Variants in OVOL2 observed in about 807,000 individuals in gnomAD.
OVOL2 encodes the protein ovo like zinc finger 2.
Under a neutral mutation model 18.1 loss-of-function variants are expected in OVOL2, and 13 were observed. That is an observed-to-expected ratio of 0.72 (90% CI 0.47 to 1.14). The LOEUF (loss-of-function observed/expected upper bound fraction) is 1.14, where lower values mean the gene tolerates loss of function less well. OVOL2 is among the 50% of genes most tolerant of loss of function. The pLI is 0.00. For synonymous variants in OVOL2, 166 were observed against 162.7 expected, an observed-to-expected ratio of 1.02 and a Z score of -0.16; for missense variants, 335 against 383.0, an observed-to-expected ratio of 0.87 and a Z score of 1.05.
In OVOL2 at chr20:18,029,624, CGTACTAA is replaced by C. The variant is rs2036550332; in HGVS notation, c.512-4679_512-4673del. ...TGCCAGTATTAATAATAATAATTTT[CGTACTAA>C]CTGTGGTTCCTTCTGGGCAGTGTAA... On this transcript the variant is annotated intron_variant, in intron 3 of 3. Transcript: ENST00000278780. Among the ~76,000 whole-genome samples the C allele has an allele frequency of 3.3e-5, 5 of 152,066 alleles. No homozygotes were observed. In the South Asian group the frequency reaches 1.0e-3, roughly 31 times the overall value.
intron 3 of OVOL2, among the ~76,000 whole-genome samples, chr20:18,027,197 G>A (rs993679688): frequency 1.1e-4 from 17 of 151,902 alleles, no homozygotes; most frequent in Non-Finnish European, 2.4e-4. Flanking sequence ...GGAAATTCCC[G>A]TAGGCCATAT....
rs1243870540 is a variant in OVOL2, at chr20:18,056,933, C to T, written c.101-56G>A. The stretch of plus-strand genomic sequence containing the variant: ...CACACTCGGCGTCAACCCGCACGCC[C>T]GCGGCAGTTTGACCTGCGGGCGGTG... On this transcript the variant is annotated intron_variant, in intron 1 of 3. Transcript: ENST00000278780. The surrounding 1 kb of genome is among the most constrained non-coding windows in gnomAD (Gnocchi z 4.2). 1.4e-6 allele frequency: 2 copies of T among 1,421,932 alleles called. No homozygotes were observed. The highest frequency in any genetic ancestry group is 1.5e-5 in the African/African-American group (1 of 66,616). The allele number at this position is 1,421,932 out of a possible 1,614,324, so 88.1% of individuals were successfully genotyped here.
At position 18,024,568 on chromosome 20, in the gene OVOL2, A is replaced by C. The variant is rs2122681892; in HGVS notation, c.*68T>G. 1.4e-6 allele frequency: 2 copies of C among 1,477,106 alleles called. No individual in the cohort carries two copies. The highest frequency in any genetic ancestry group is 2.8e-5 in the South Asian group (2 of 71,516). The allele number at this position is 1,477,106 out of a possible 1,614,324, so 91.5% of individuals were successfully genotyped here. On this transcript the variant is annotated 3_prime_UTR_variant, in exon 4 of 4. Coordinates refer to ENST00000278780, the MANE Select transcript of OVOL2 (RefSeq NM_021220.4). ...TAAGAAGAGCCAGTGGGGTGGGGGA[A>C]GCTGAAAACCAAAAATCCACGTAGA...
Position 18,056,846 on chromosome 20 carries a change from G to T in OVOL2, c.132C>A (p.Pro44=), listed in dbSNP as rs894071314. 2.0e-6 allele frequency: 3 copies of T among 1,485,938 alleles called. No individual in the cohort carries two copies. The South Asian group carries it at 3.8e-5, about 19-fold the overall frequency. The allele number at this position is 1,485,938 out of a possible 1,614,324, so 92.0% of individuals were successfully genotyped here. The change falls in exon 2 of 4, where the codon CCC becomes CCA. Residue 44 remains proline, a synonymous_variant. Coordinates refer to ENST00000278780, the MANE Select transcript of OVOL2 (RefSeq NM_021220.4). This position sits in a 1 kb window ranked among gnomAD's most constrained non-coding sequence, Gnocchi z 4.2. ...TGCCGCCGTCGCTGCGGCAGTCCTC[G>T]GGGGGGTCGTGGAGCAGGCGGCCTA... ...VGLGRLLHDP[P]EDCRSDGGSS...
At chr20:18,031,734 A>AG (rs1256360126) in intron 3 of OVOL2, among the ~76,000 whole-genome samples, 1 of 152,174 alleles carries the variant, frequency 6.6e-6, no homozygotes, top group African/African-American at 2.4e-5. Context: ...GGTGGAGGAG[A>AG]GGGGGGACTG....
upstream of OVOL2, chr20:18,057,928 T>C: frequency 8.0e-7 from 1 of 1,245,864 alleles, no homozygotes; most frequent in Non-Finnish European, 1.0e-6. The surrounding 1 kb of genome is among the most constrained non-coding windows in gnomAD (Gnocchi z 6.3). Flanking sequence ...GGACTGAGCA[T>C]GCGCCCTGCA....
intron 3 of OVOL2, 30 bp from the exon 4 acceptor site, chr20:18,024,982 G>T: frequency 6.3e-7 from 1 of 1,587,044 alleles, no homozygotes; most frequent in Non-Finnish European, 8.6e-7. Context: ...ACACAGCATC[G>T]GTTGGTCATG....
chr20:18,057,651 C>A lies in OVOL2; in HGVS notation c.-17G>T. 1 of 1,554,596 alleles carries A rather than the reference C, an allele frequency of 6.4e-7. No homozygotes were observed. Among genetic ancestry groups the A allele is most frequent in the South Asian group, 1.2e-5 (1 of 84,740 alleles). On this transcript the variant is annotated 5_prime_UTR_variant, in exon 1 of 4. Transcript: ENST00000278780. The surrounding 1 kb of genome is among the most constrained non-coding windows in gnomAD (Gnocchi z 6.3). ...TTTGGGCATGGTGGGGTCCCCTCTC[C>A]CGACTGCGGCCCCCTCCTCCCGGCT... is the stretch of plus-strand genomic sequence containing the variant.
intron 2 of OVOL2, among the ~76,000 whole-genome samples, chr20:18,049,107 G>A (rs1472652248): frequency 6.6e-6 from 1 of 152,184 alleles, no homozygotes; most frequent in African/African-American, 2.4e-5. Flanking sequence ...ATGGCCTGGC[G>A]CTTTTCTGAG....
At chr20:18,036,859 G>A (rs1050640240) in intron 3 of OVOL2, among the ~76,000 whole-genome samples, 103 of 152,082 alleles carry the variant, frequency 6.8e-4, no homozygotes, top group Non-Finnish European at 9.7e-4. Flanking sequence ...GCAACAGGCC[G>A]GGCGCGGTGG....
intron 3 of OVOL2, among the ~76,000 whole-genome samples, chr20:18,036,993 A>G (rs117056816): frequency 0.12 from 17,693 of 150,988 alleles, 1,144 homozygotes; most frequent in Middle Eastern, 0.16. Context: ...AAAATTAGCC[A>G]GGCTTGGTAG....
intron 3 of OVOL2, among the ~76,000 whole-genome samples, chr20:18,029,247 T>A (rs909729984): frequency 6.6e-6 from 1 of 152,076 alleles, no homozygotes; most frequent in Non-Finnish European, 1.5e-5. Flanking sequence ...CAGGCTGATC[T>A]TGAACTCCTG....
At chr20:18,036,892 T>C (rs1219547009) in intron 3 of OVOL2, among the ~76,000 whole-genome samples, 1 of 151,942 alleles carries the variant, frequency 6.6e-6, no homozygotes, top group Non-Finnish European at 1.5e-5. Context: ...ATCCCAGCAC[T>C]TTGGGAGGCC....
intron 3 of OVOL2, among the ~76,000 whole-genome samples, chr20:18,038,299 G>A (rs933375358): frequency 2.6e-5 from 4 of 152,124 alleles, no homozygotes; most frequent in Admixed American, 6.5e-5. Context: ...TATTTACTAC[G>A]CACTTACAAT....
intron 3 of OVOL2, among the ~76,000 whole-genome samples, chr20:18,037,135 CAAA>C (rs762848266): frequency 5.4e-5 from 4 of 73,424 alleles, no homozygotes; most frequent in African/African-American, 9.2e-5. Flanking sequence ...GACTCCGTCT[CAAA>C]AAAAAAAAAA....
At position 18,049,553 on chromosome 20, in the gene OVOL2, C is replaced by T. The variant is rs1428993482; in HGVS notation, c.321+7104G>A. 5.3e-5 allele frequency among the ~76,000 whole-genome samples: 8 copies of T among 149,982 alleles called. No homozygotes were observed. The Admixed American group carries it at 5.3e-4, about 10-fold the overall frequency. On this transcript the variant is annotated intron_variant, in intron 2 of 3. Coordinates refer to ENST00000278780, the MANE Select transcript of OVOL2 (RefSeq NM_021220.4). The stretch of plus-strand genomic sequence containing the variant: ...CCCAATTCGTTTGGCATTCAGATTC[C>T]CCCCCCGATCCTATGTACCATTTCC...
chr20:18,024,354 A>C lies in OVOL2; in HGVS notation c.*282T>G. 5.2e-6 allele frequency: 1 copy of C among 190,580 alleles called. No homozygotes were observed. Among genetic ancestry groups the C allele is most frequent in the East Asian group, 1.4e-4 (1 of 7,190 alleles). 11.8% of individuals were successfully genotyped at this position (190,580 alleles called of 1,614,324 possible). On this transcript the variant is annotated 3_prime_UTR_variant, in exon 4 of 4. Transcript: ENST00000278780. ...TTCCGTGTGTGAAAATCCTTGGGGG[A>C]AAAAAAAATCCCACACGGTGTTCTT...
rs2036488702 is a variant in OVOL2 at position 18,024,369 on chromosome 20, A to G, written c.*267T>C. On this transcript the variant is annotated 3_prime_UTR_variant, in exon 4 of 4. Transcript: ENST00000278780. ...TCCTTGGGGGAAAAAAAAATCCCAC[A>G]CGGTGTTCTTGGCCATCAGGATCAT... 6 of 465,344 alleles carry G rather than the reference A, an allele frequency of 1.3e-5. No individual in the cohort carries two copies. The highest frequency in any genetic ancestry group is 1.7e-5 in the Non-Finnish European group (5 of 290,632). 28.8% of individuals were successfully genotyped at this position (465,344 alleles called of 1,614,324 possible).
Position 18,056,047 on chromosome 20 carries a change from A to G in OVOL2, c.321+610T>C, listed in dbSNP as rs931128350. ...GGGCGCTCGAGAAATCTGTAGTTGA[A>G]CCCTTTTACCCATCAATTTAATTCA... On this transcript the variant is annotated intron_variant, in intron 2 of 3. Coordinates refer to ENST00000278780, the MANE Select transcript of OVOL2 (RefSeq NM_021220.4). This position sits in a 1 kb window ranked among gnomAD's most constrained non-coding sequence, Gnocchi z 4.2. Among the ~76,000 whole-genome samples, 1 of 152,072 alleles carries G rather than the reference A, an allele frequency of 6.6e-6. No individual in the cohort carries two copies. Among genetic ancestry groups the G allele is most frequent in the Non-Finnish European group, 1.5e-5 (1 of 68,000 alleles).
Sources: allele counts gnomAD v4.1 joint callset (sites outside exome capture counted in the v4.1 genomes callset), GRCh38; gene constraint gnomAD v4.1.1; non-coding constraint Gnocchi (gnomAD v3.1); transcripts MANE v1.5; gene names NCBI Gene and HGNC (gene_info 2026-07-23, HGNC 2026-07-21).